DYTN: variants seen among roughly 807,000 people sequenced by gnomAD.
DYTN encodes dystrotelin.
Under a neutral mutation model 69.6 loss-of-function variants are expected in DYTN, and 75 were observed. The ratio of observed to expected loss-of-function variants is 1.08; its 90% CI spans 0.89 to 1.31. The LOEUF is 1.31. Ranked by LOEUF, DYTN falls within the 50% of genes most tolerant of loss-of-function variation. DYTN has a pLI of 0.00. For synonymous variants in DYTN, 252 were observed against 249.1 expected (o/e 1.01, Z -0.11); for missense variants, 726 against 688.4 (o/e 1.05, Z -0.61).
At chr2:206,657,093 A>T (rs1699459249) in intron 11 of DYTN, among the ~76,000 whole-genome samples, 1 of 151,740 alleles carries the variant, frequency 6.6e-6, no homozygotes, top group Non-Finnish European at 1.5e-5. Flanking sequence ...TGGTTTGTTT[A>T]TTTTTATTTT....
At chr2:206,666,077 A>G (rs372994874) in intron 9 of DYTN, 48 bp from the exon 10 acceptor site, 15 of 1,593,810 alleles carry the variant, frequency 9.4e-6, no homozygotes, top group Non-Finnish European at 1.3e-5. Context: ...AGAGGCCAGT[A>G]CACTAATTAG....
chr2:206,700,319 G>GT, intron 5 of DYTN, 103 bp from the exon 6 acceptor site: 1 of 1,254,206 alleles, frequency 8.0e-7, no homozygotes, highest in Non-Finnish European at 1.2e-6. Context: ...GTAGTCACAA[G>GT]TATTTGGTAT....
At chr2:206,687,538 A>T (rs1435164767) in intron 9 of DYTN, among the ~76,000 whole-genome samples, 2 of 152,162 alleles carry the variant, frequency 1.3e-5, no homozygotes, top group African/African-American at 4.8e-5. Context: ...CAAAATGTTT[A>T]AAATTACATG....
chr2:206,696,591 C>T (rs907659345), intron 7 of DYTN, among the ~76,000 whole-genome samples: 5 of 152,164 alleles, frequency 3.3e-5, no homozygotes, highest in African/African-American at 9.7e-5. Flanking sequence ...TACGATTACC[C>T]TCATTTTGCA....
At position 206,718,396 on chromosome 2, in the gene DYTN, A is replaced by G. The variant is rs1195805057; in HGVS notation, c.-117T>C. 2.8e-6 allele frequency: 3 copies of G among 1,081,166 alleles called. No individual in the cohort carries two copies. The highest frequency in any genetic ancestry group is 3.9e-6 in the Non-Finnish European group (3 of 767,020). The allele number at this position is 1,081,166 out of a possible 1,614,324, so 67.0% of individuals were successfully genotyped here. The stretch of plus-strand genomic sequence containing the variant: ...ATGAGGACAGGGGAACAAAAAGGCA[A>G]CTAAACAAATCATTTTACCTGTGGA... On this transcript the variant is annotated 5_prime_UTR_variant, in exon 1 of 12. Coordinates refer to ENST00000452335, the MANE Select transcript of DYTN (RefSeq NM_001093730.1).
In DYTN at chr2:206,662,940, T is replaced by A; in HGVS notation, c.1596A>T (p.Ser532=). 6.2e-7 allele frequency: 1 copy of A among 1,613,668 alleles called. No homozygotes were observed. Residue 532 remains serine, a synonymous_variant, in exon 11 of 12, where the codon TCA becomes TCT. Transcript: ENST00000452335. ...LEEEELQELL[S]KLMDAFNLET... ...CTAGATTGAAGGCATCCATAAGTTT[T>A]GACAATAGTTCTTGCAGTTCCTCTT... is the stretch of plus-strand genomic sequence containing the variant.
At chr2:206,667,371 G>T (rs1173908908) in intron 9 of DYTN, among the ~76,000 whole-genome samples, 1 of 152,118 alleles carries the variant, frequency 6.6e-6, no homozygotes, top group Admixed American at 6.6e-5. Context: ...CCAGCTCATT[G>T]CTCAGTTCCC....
At chr2:206,712,122 G>A (rs1384816384) in intron 1 of DYTN, among the ~76,000 whole-genome samples, 1 of 152,126 alleles carries the variant, frequency 6.6e-6, no homozygotes, top group Non-Finnish European at 1.5e-5. Context: ...TTAAAGTATG[G>A]TTCCTGAACC....
chr2:206,707,090 T>C (rs1375314689), intron 3 of DYTN, among the ~76,000 whole-genome samples: 1 of 152,272 alleles, frequency 6.6e-6, no homozygotes, highest in East Asian at 1.9e-4. Flanking sequence ...ATTCTCTCCC[T>C]CTTTTTGCTA....
intron 9 of DYTN, among the ~76,000 whole-genome samples, chr2:206,685,296 G>C (rs1023859999): frequency 2.0e-5 from 3 of 152,016 alleles, no homozygotes; most frequent in African/African-American, 7.2e-5. Context: ...TGAATAGCGG[G>C]AACCACAGGC....
chr2:206,671,338 AG>A lies in DYTN; in HGVS notation c.981-5310del, dbSNP rs373500819. Reference sequence around the variant, plus strand: ...CCTGAAAAAGCAAAAGGGCAGTAGCAGGAAGAAGAAACTGAACTATATACAG... The same window carrying A: ...CCTGAAAAAGCAAAAGGGCAGTAGCAGAAGAAGAAACTGAACTATATACAG... On this transcript the variant is annotated intron_variant, in intron 9 of 11. Coordinates refer to ENST00000452335, the MANE Select transcript of DYTN (RefSeq NM_001093730.1). 2.0e-4 allele frequency among the ~76,000 whole-genome samples: 30 copies of A among 152,338 alleles called. No individual in the cohort carries two copies. In the East Asian group the frequency reaches 5.8e-3, roughly 29 times the overall value.
At chr2:206,694,086 T>C (rs193147711) in intron 8 of DYTN, among the ~76,000 whole-genome samples, 3 of 152,306 alleles carry the variant, frequency 2.0e-5, no homozygotes, top group Admixed American at 1.3e-4. Flanking sequence ...TTTGAGGAGG[T>C]TGCCATCTGT....
In DYTN at chr2:206,694,921, A is replaced by AG. The variant is rs764135315; in HGVS notation, c.720-45dup. The AG allele has an allele frequency of 1.1e-5, 11 of 1,005,902 alleles. No individual in the cohort carries two copies. The African/African-American group carries it at 1.6e-4, about 15-fold the overall frequency. The allele number at this position is 1,005,902 out of a possible 1,614,324, so 62.3% of individuals were successfully genotyped here. ...GCACAGCTTACGTCACTAGTAGATG[A>AG]GAAAAAAAAAAAAAAAAGAATATCC... is the stretch of plus-strand genomic sequence containing the variant. On this transcript the variant is annotated intron_variant, in intron 7 of 11. Transcript: ENST00000452335.
chr2:206,705,066 T>G lies in DYTN; in HGVS notation c.383-123A>C, dbSNP rs576528472. Reference sequence around the variant, plus strand: ...GGAAAGAGAAGGGAAAGTTATGTTCTTGATTATTGGCTAGCTATTATGAAG... The same window carrying G: ...GGAAAGAGAAGGGAAAGTTATGTTCGTGATTATTGGCTAGCTATTATGAAG... On this transcript the variant is annotated intron_variant, in intron 4 of 11. Coordinates refer to ENST00000452335, the MANE Select transcript of DYTN (RefSeq NM_001093730.1). 135 of 794,810 alleles carry G rather than the reference T, an allele frequency of 1.7e-4. No individual in the cohort carries two copies. The Middle Eastern group carries it at 1.9e-3, about 11-fold the overall frequency. 49.2% of individuals were successfully genotyped at this position (794,810 alleles called of 1,614,324 possible). A position where few individuals can be genotyped will look rare whatever the true frequency, so the allele number is the denominator to read the frequency against.
At chr2:206,716,809 C>T (rs1375378036) in intron 1 of DYTN, among the ~76,000 whole-genome samples, 1 of 152,112 alleles carries the variant, frequency 6.6e-6, no homozygotes, top group Non-Finnish European at 1.5e-5. Context: ...ACAAGGGGCT[C>T]TGCAAGTTCC....
At chr2:206,678,954 C>A (rs912652623) in intron 9 of DYTN, 3 of 152,212 alleles carry the variant, frequency 2.0e-5, no homozygotes, top group African/African-American at 7.2e-5. Flanking sequence ...CACTGAACTT[C>A]ACTGCAAAAT....
At chr2:206,695,577 G>A (rs910536587) in intron 7 of DYTN, among the ~76,000 whole-genome samples, 1 of 152,148 alleles carries the variant, frequency 6.6e-6, no homozygotes, top group African/African-American at 2.4e-5. Context: ...GAGACACTCT[G>A]GTTAGGAGGG....
intron 9 of DYTN, among the ~76,000 whole-genome samples, chr2:206,666,376 G>T (rs922440472): frequency 6.6e-6 from 1 of 152,150 alleles, no homozygotes; most frequent in Non-Finnish European, 1.5e-5. Flanking sequence ...GACACTGTTT[G>T]TTCACCATGT....
At chr2:206,666,895 AC>A (rs1486405085) in intron 9 of DYTN, among the ~76,000 whole-genome samples, 35 of 148,884 alleles carry the variant, frequency 2.4e-4, no homozygotes, top group Non-Finnish European at 3.9e-4. Flanking sequence ...ACACACACAC[AC>A]AAATTAGCTG....
Sources: allele counts gnomAD v4.1 joint callset (sites outside exome capture counted in the v4.1 genomes callset), GRCh38; gene constraint gnomAD v4.1.1; transcripts MANE v1.5; gene names NCBI Gene and HGNC (gene_info 2026-07-23, HGNC 2026-07-21).